OR5AN1: variants seen among roughly 807,000 people sequenced by gnomAD.
OR5AN1 encodes olfactory receptor family 5 subfamily AN member 1.
For missense variants in OR5AN1, 476 were observed against 368.9 expected, an observed-to-expected ratio of 1.29 and a Z score of -2.38; for synonymous variants, 167 against 131.8, an observed-to-expected ratio of 1.27 and a Z score of -1.83.
intron 1 of OR5AN1, among the ~76,000 whole-genome samples, chr11:59,363,757 T>G (rs535582262): frequency 1.5e-4 from 23 of 152,168 alleles, no homozygotes; most frequent in African/African-American, 5.5e-4. Flanking sequence ...CATTTAAACT[T>G]TCATAATTTT....
Position 59,361,712 on chromosome 11 carries a change from G to A in OR5AN1, c.-14+2440G>A, listed in dbSNP as rs76961083. Among the ~76,000 whole-genome samples, 315 of 152,188 alleles carry A rather than the reference G, an allele frequency of 2.1e-3. 2 individuals carry two copies. The highest frequency in any genetic ancestry group is 7.0e-3 in the African/African-American group (291 of 41,506). ...AGAAGTTAATCATGTGCTAAACATC[G>A]CACAGCCTGCAAGTAAGATTCAGGA... On this transcript the variant is annotated intron_variant, in intron 1 of 1. Coordinates refer to ENST00000641998, the MANE Select transcript of OR5AN1 (RefSeq NM_001004729.2).
In OR5AN1 at chr11:59,370,445, CA is replaced by C. The variant is rs1857582146; in HGVS notation, c.*5054del. The C allele has an allele frequency of 6.6e-6, 1 of 152,056 alleles. No homozygotes were observed. The highest frequency in any genetic ancestry group is 6.6e-5 in the Admixed American group (1 of 15,254). 9.4% of individuals were successfully genotyped at this position (152,056 alleles called of 1,614,324 possible). A position where few individuals can be genotyped will look rare whatever the true frequency, so the allele number is the denominator to read the frequency against. ...ATGGCTGATTTGTTACTGTTGCTGC[CA>C]AATGTCACAGACTGAAAGAATCAAA... On this transcript the variant is annotated 3_prime_UTR_variant, in exon 2 of 2. Coordinates refer to ENST00000641998, the MANE Select transcript of OR5AN1 (RefSeq NM_001004729.2).
chr11:59,361,067 T>C (rs1367527637), intron 1 of OR5AN1, among the ~76,000 whole-genome samples: 4 of 152,162 alleles, frequency 2.6e-5, no homozygotes, highest in Non-Finnish European at 5.9e-5. Flanking sequence ...AAAAGCAGCA[T>C]CAGGAGTTGA....
rs1857547021 is a variant in OR5AN1, at chr11:59,367,452, TA to T, written c.*2060del. ...AAGTTGGAGGTTAGACTCCTGTATA[TA>T]ACCCTAGGAAAGAGGCTGAATCCAG... is the stretch of plus-strand genomic sequence containing the variant. On this transcript the variant is annotated 3_prime_UTR_variant, in exon 2 of 2. Transcript: ENST00000641998. 1 of 152,180 alleles carries T rather than the reference TA, an allele frequency of 6.6e-6. No individual in the cohort carries two copies. The highest frequency in any genetic ancestry group is 6.6e-5 in the Admixed American group (1 of 15,260). The allele number at this position is 152,180 out of a possible 1,614,324, so 9.4% of individuals were successfully genotyped here. A position where few individuals can be genotyped will look rare whatever the true frequency, so the allele number is the denominator to read the frequency against.
intron 1 of OR5AN1, among the ~76,000 whole-genome samples, chr11:59,361,983 TTTGTG>T (rs1565052161): frequency 1.4e-4 from 21 of 151,456 alleles, no homozygotes; most frequent in African/African-American, 5.1e-4. Context: ...TGTGTGTGTG[TTTGTG>T]TGTGTGTGTG....
rs1056756621 is a variant in OR5AN1 at position 59,364,825 on chromosome 11, C to G, written c.367C>G (p.Arg123Gly). 2.5e-6 allele frequency: 4 copies of G among 1,613,856 alleles called. No homozygotes were observed. The South Asian group carries it at 4.4e-5, about 18-fold the overall frequency. ...TCTCATGACAGCCATGGCTTATGAT[C>G]GTTATGCTGCCATTTGTAACCCCCT... ...SCLMTAMAYD[R>G]YAAICNPLLY... Residue 123 changes from arginine to glycine, a missense_variant, in exon 2 of 2, where the codon CGT (arginine) becomes GGT (glycine). Transcript: ENST00000641998.
At position 59,367,553 on chromosome 11, in the gene OR5AN1, CCAGA is replaced by C. The variant is rs1857547958; in HGVS notation, c.*2163_*2166del. On this transcript the variant is annotated 3_prime_UTR_variant, in exon 2 of 2. Coordinates refer to ENST00000641998, the MANE Select transcript of OR5AN1 (RefSeq NM_001004729.2). The stretch of plus-strand genomic sequence containing the variant: ...AGATAAGATCCACTGGCTTGGAATT[CCAGA>C]CAGCTACCAGTAGTGGCATTGTACC... 6.6e-6 allele frequency: 1 copy of C among 152,262 alleles called. No individual in the cohort carries two copies. Among genetic ancestry groups the C allele is most frequent in the Non-Finnish European group, 1.5e-5 (1 of 68,120 alleles). The allele number at this position is 152,262 out of a possible 1,614,324, so 9.4% of individuals were successfully genotyped here. A position where few individuals can be genotyped will look rare whatever the true frequency, so the allele number is the denominator to read the frequency against.
At chr11:59,361,470 G>A (rs1857461758) in intron 1 of OR5AN1, among the ~76,000 whole-genome samples, 1 of 152,112 alleles carries the variant, frequency 6.6e-6, no homozygotes, top group Non-Finnish European at 1.5e-5. Flanking sequence ...TCAAAGAGGA[G>A]GAGCTTTACC....
At chr11:59,359,510 C>CTT (rs1184949037) in intron 1 of OR5AN1, 1 of 152,138 alleles carries the variant, frequency 6.6e-6, no homozygotes, top group Non-Finnish European at 1.5e-5. Flanking sequence ...CCCAAGGACC[C>CTT]TTTTAATTTA....
In OR5AN1 at chr11:59,367,257, C is replaced by A. The variant is rs890342913; in HGVS notation, c.*1863C>A. On this transcript the variant is annotated 3_prime_UTR_variant, in exon 2 of 2. Transcript: ENST00000641998. ...AGGGGTGAGCATTAGGTCTTTGCAACCCTCAAGTCAGGAGATCTCCTTGTG... is the reference window on the plus strand; with the variant it reads ...AGGGGTGAGCATTAGGTCTTTGCAAACCTCAAGTCAGGAGATCTCCTTGTG... 1 of 152,196 alleles carries A rather than the reference C, an allele frequency of 6.6e-6. No homozygotes were observed. Among genetic ancestry groups the A allele is most frequent in the Non-Finnish European group, 1.5e-5 (1 of 68,082 alleles). The allele number at this position is 152,196 out of a possible 1,614,324, so 9.4% of individuals were successfully genotyped here. A position where few individuals can be genotyped will look rare whatever the true frequency, so the allele number is the denominator to read the frequency against.
Position 59,364,433 on chromosome 11 carries a change from T to G in OR5AN1, c.-13-13T>G. On this transcript the variant is annotated splice_polypyrimidine_tract_variant and intron_variant, in intron 1 of 1. Transcript: ENST00000641998. ...GTTAGCAATCCATTCTCTTGTCTCC[T>G]TTCTGATATTAGGAGCACTGAGCCA... is the stretch of plus-strand genomic sequence containing the variant. 6.6e-7 allele frequency: 1 copy of G among 1,516,648 alleles called. No homozygotes were observed. The highest frequency in any genetic ancestry group is 2.3e-5 in the East Asian group (1 of 44,248). The allele number at this position is 1,516,648 out of a possible 1,614,324, so 93.9% of individuals were successfully genotyped here.
chr11:59,363,237 C>A (rs1377605862), intron 1 of OR5AN1, among the ~76,000 whole-genome samples: 1 of 152,244 alleles, frequency 6.6e-6, no homozygotes, highest in African/African-American at 2.4e-5. Context: ...TGAATTTTCA[C>A]TTACAGCCTT....
At position 59,367,840 on chromosome 11, in the gene OR5AN1, C is replaced by T. The variant is rs532176824; in HGVS notation, c.*2446C>T. The T allele has an allele frequency of 6.6e-6, 1 of 152,482 alleles. No individual in the cohort carries two copies. The highest frequency in any genetic ancestry group is 6.5e-5 in the Admixed American group (1 of 15,300). The allele number at this position is 152,482 out of a possible 1,614,324, so 9.4% of individuals were successfully genotyped here. A position where few individuals can be genotyped will look rare whatever the true frequency, so the allele number is the denominator to read the frequency against. On this transcript the variant is annotated 3_prime_UTR_variant, in exon 2 of 2. Transcript: ENST00000641998. ...CACCCCCACCAAGCTCTCCAGGTGA[C>T]AAAGATTTGAATTATCCCTGAGATG...
chr11:59,367,781 C>T lies in OR5AN1; in HGVS notation c.*2387C>T, dbSNP rs1590584011. 2 of 152,534 alleles carry T rather than the reference C, an allele frequency of 1.3e-5. No homozygotes were observed. Among genetic ancestry groups the T allele is most frequent in the East Asian group, 3.9e-4 (2 of 5,180 alleles). The allele number at this position is 152,534 out of a possible 1,614,324, so 9.4% of individuals were successfully genotyped here. A position where few individuals can be genotyped will look rare whatever the true frequency, so the allele number is the denominator to read the frequency against. On this transcript the variant is annotated 3_prime_UTR_variant, in exon 2 of 2. Coordinates refer to ENST00000641998, the MANE Select transcript of OR5AN1 (RefSeq NM_001004729.2). ...GTGGGTGTCCAATCCCATTCCTCTT[C>T]ACTGGGCAGGACCTCCCAACTGGGG...
At chr11:59,364,032 G>A (rs889170013) in intron 1 of OR5AN1, among the ~76,000 whole-genome samples, 1 of 152,134 alleles carries the variant, frequency 6.6e-6, no homozygotes, top group Admixed American at 6.5e-5. Context: ...CCAGGTGCTA[G>A]GATTACAGGC....
intron 1 of OR5AN1, among the ~76,000 whole-genome samples, chr11:59,363,795 C>A (rs973372870): frequency 3.3e-4 from 51 of 152,314 alleles, no homozygotes; most frequent in African/African-American, 1.2e-3. Flanking sequence ...CAGAGTCTCA[C>A]TCTGTTGCCT....
In OR5AN1 at chr11:59,364,825, C is replaced by T. The variant is rs1056756621; in HGVS notation, c.367C>T (p.Arg123Cys). The change falls in exon 2 of 2, where the codon CGT becomes TGT. Residue 123 changes from arginine to cysteine, a missense_variant. Physicochemically the swap from Arg to Cys is radical, Grantham distance 180. Transcript: ENST00000641998. ...SCLMTAMAYD[R>C]YAAICNPLLY... ...TCTCATGACAGCCATGGCTTATGAT[C>T]GTTATGCTGCCATTTGTAACCCCCT... 22 of 1,613,738 alleles carry T rather than the reference C, an allele frequency of 1.4e-5. No homozygotes were observed. Among genetic ancestry groups the T allele is most frequent in the African/African-American group, 2.7e-5 (2 of 74,912 alleles).
intron 1 of OR5AN1, among the ~76,000 whole-genome samples, chr11:59,361,509 G>T (rs963212532): frequency 6.6e-6 from 1 of 152,194 alleles, no homozygotes; most frequent in Non-Finnish European, 1.5e-5. Context: ...TCAAACTCCT[G>T]ACCTCAGGCA....
In OR5AN1 at chr11:59,365,767, G is replaced by A. The variant is rs79574188; in HGVS notation, c.*373G>A. 0.014 allele frequency: 2,452 copies of A among 180,058 alleles called. 37 individuals carry two copies. The highest frequency in any genetic ancestry group is 0.016 in the Non-Finnish European group (1,349 of 86,916). The allele number at this position is 180,058 out of a possible 1,614,324, so 11.2% of individuals were successfully genotyped here. A position where few individuals can be genotyped will look rare whatever the true frequency, so the allele number is the denominator to read the frequency against. ...TTTGCCACTACAGAAATGAGGCCTG[G>A]CACAGACCCCCAGGAGTTCAGAAAC... is the stretch of plus-strand genomic sequence containing the variant. On this transcript the variant is annotated 3_prime_UTR_variant, in exon 2 of 2. Transcript: ENST00000641998.
Sources: allele counts gnomAD v4.1 joint callset (sites outside exome capture counted in the v4.1 genomes callset), GRCh38; gene constraint gnomAD v4.1.1; transcripts MANE v1.5; gene names NCBI Gene and HGNC (gene_info 2026-07-23, HGNC 2026-07-21).